Variants in ASAP2 observed in about 807,000 individuals in gnomAD.
The protein encoded by ASAP2 is arf-GAP with SH3 domain, ANK repeat and PH domain-containing protein 2.
Under a neutral mutation model 131.4 loss-of-function variants are expected in ASAP2, and 45 were observed. The ratio of observed to expected loss-of-function variants is 0.34; its 90% CI spans 0.27 to 0.44. The LOEUF (loss-of-function observed/expected upper bound fraction) is 0.44. ASAP2 is among the 20% of genes least tolerant of loss of function. The probability of loss-of-function intolerance (pLI) is 1.00; values close to 1 mark genes in which losing one functional copy is unlikely to be tolerated. For missense variants in ASAP2, 1,011 were observed against 1,297.0 expected (o/e 0.78, Z 3.39); for synonymous variants, 510 against 503.0 (o/e 1.01, Z -0.19).
intron 1 of ASAP2, among the ~76,000 whole-genome samples, chr2:9,254,223 AAAAAAAAAAAAAAAT>A (rs1664936451): frequency 9.5e-6 from 1 of 105,326 alleles, no homozygotes; most frequent in Non-Finnish European, 1.9e-5. Flanking sequence ...AAAAAAAAAA[AAAAAAAAAAAAAAAT>A]ATATATATAT....
At chr2:9,374,998 G>T (rs931573727) in intron 17 of ASAP2, 54 bp downstream of exon 17, 1 of 1,493,074 alleles carries the variant, frequency 6.7e-7, no homozygotes, top group Non-Finnish European at 8.9e-7. Context: ...CGGCCACGGT[G>T]GCTCATGCCT....
At chr2:9,210,336 A>G (rs1043716461) in intron 1 of ASAP2, among the ~76,000 whole-genome samples, 11 of 152,236 alleles carry the variant, frequency 7.2e-5, no homozygotes, top group Admixed American at 6.5e-4. Flanking sequence ...GGTTAATAAT[A>G]CCTATCAACT....
rs907592363 is a variant in ASAP2 at position 9,207,273 on chromosome 2, G to A, written c.126+43G>A. 2 of 1,466,486 alleles carry A rather than the reference G, an allele frequency of 1.4e-6. No individual in the cohort carries two copies. Among genetic ancestry groups the A allele is most frequent in the African/African-American group, 1.5e-5 (1 of 68,494 alleles). 90.8% of individuals were successfully genotyped at this position (1,466,486 alleles called of 1,614,324 possible). A position where few individuals can be genotyped will look rare whatever the true frequency, so the allele number is the denominator to read the frequency against. ...GCGGCTCCGGCCGCAGGTATCCCGC[G>A]CCCCAGCCCCGCCCGCCGCTCCCGC... On this transcript the variant is annotated intron_variant, in intron 1 of 27. Transcript: ENST00000281419. The surrounding 1 kb of genome is among the most constrained non-coding windows in gnomAD (Gnocchi z 4.1).
Position 9,344,615 on chromosome 2 carries a change from C to A in ASAP2, c.933C>A (p.Ser311Arg). 1 of 1,614,138 alleles carries A rather than the reference C, an allele frequency of 6.2e-7. No homozygotes were observed. The highest frequency in any genetic ancestry group is 8.5e-7 in the Non-Finnish European group (1 of 1,180,004). Residue 311 changes from serine to arginine, a missense_variant, in exon 10 of 28, where the codon AGC (serine) becomes AGA (arginine). By Grantham distance (110) the Ser-to-Arg change is moderately radical (BLOSUM62 -1). This residue lies in a region of ASAP2 where 359 missense variants were observed against 598.1 expected (regional missense o/e 0.60). Coordinates refer to ENST00000281419, the MANE Select transcript of ASAP2 (RefSeq NM_003887.3). ...AACATGGGACCGAGCGGAACGGCAG[C>A]CTCTACAAGAAGAGTGACGGGTACG... ...NKEHGTERNG[S>R]LYKKSDGIRK...
intron 15 of ASAP2, among the ~76,000 whole-genome samples, chr2:9,366,299 C>G (rs1046881260): frequency 1.3e-5 from 2 of 152,018 alleles, no homozygotes; most frequent in Non-Finnish European, 2.9e-5. Flanking sequence ...TCTTCGATTC[C>G]TGGGGAATTC....
At chr2:9,314,922 CAAAAAAAAAAA>C (rs34360769) in intron 3 of ASAP2, among the ~76,000 whole-genome samples, 1 of 102,334 alleles carries the variant, frequency 9.8e-6, no homozygotes, top group Non-Finnish European at 2.0e-5. Context: ...GACTCCATCT[CAAAAAAAAAAA>C]AAAAAAAAAA....
intron 1 of ASAP2, among the ~76,000 whole-genome samples, chr2:9,214,414 A>G (rs1400979876): frequency 6.6e-6 from 1 of 151,838 alleles, no homozygotes; most frequent in Non-Finnish European, 1.5e-5. Flanking sequence ...TGATTTTTGT[A>G]TTACTAGTAG....
chr2:9,253,846 C>T (rs925706135), intron 1 of ASAP2, among the ~76,000 whole-genome samples: 5 of 152,014 alleles, frequency 3.3e-5, no homozygotes, highest in Non-Finnish European at 7.4e-5. Flanking sequence ...GAAGTCATCC[C>T]AGGTCCGAAA....
intron 15 of ASAP2, among the ~76,000 whole-genome samples, chr2:9,366,902 G>A (rs1051651646): frequency 5.3e-5 from 8 of 152,126 alleles, no homozygotes; most frequent in African/African-American, 1.9e-4. Context: ...CCGCCAGGAA[G>A]TTCCAGTGTA....
chr2:9,379,134 G>T (rs1425398273), intron 19 of ASAP2, 75 bp downstream of exon 19: 10 of 1,115,070 alleles, frequency 9.0e-6, no homozygotes, highest in Non-Finnish European at 1.2e-6. Flanking sequence ...TCCAAGCGCT[G>T]CTCTTGGAAA....
chr2:9,278,719 A>C (rs1666920624), intron 1 of ASAP2, among the ~76,000 whole-genome samples: 1 of 152,146 alleles, frequency 6.6e-6, no homozygotes. Flanking sequence ...TATATATGAG[A>C]GTACCTCTAT....
intron 1 of ASAP2, among the ~76,000 whole-genome samples, chr2:9,211,947 C>T (rs555393874): frequency 4.6e-5 from 7 of 152,274 alleles, no homozygotes; most frequent in Admixed American, 1.3e-4. Flanking sequence ...AACAGGGCCA[C>T]CTTTTAAACT....
intron 6 of ASAP2, among the ~76,000 whole-genome samples, chr2:9,325,385 T>C (rs1670415116): frequency 1.3e-5 from 2 of 152,230 alleles, no homozygotes; most frequent in South Asian, 2.1e-4. Context: ...TGTAAGGGTA[T>C]TGTTTCTAAT....
intron 1 of ASAP2, among the ~76,000 whole-genome samples, chr2:9,259,654 C>T (rs546101663): frequency 6.6e-6 from 1 of 152,252 alleles, no homozygotes; most frequent in Non-Finnish European, 1.5e-5. Context: ...AGGCCCCCTG[C>T]CCCGAGGCTG....
chr2:9,362,995 T>C (rs1365890912), intron 15 of ASAP2, among the ~76,000 whole-genome samples: 1 of 152,226 alleles, frequency 6.6e-6, no homozygotes, highest in Non-Finnish European at 1.5e-5. Context: ...TTCTGCTCTC[T>C]ACTTCTATGA....
At chr2:9,285,882 C>T (rs528989575) in intron 2 of ASAP2, among the ~76,000 whole-genome samples, 24 of 152,304 alleles carry the variant, frequency 1.6e-4, no homozygotes, top group Non-Finnish European at 3.2e-4. Flanking sequence ...CTGATTTTCC[C>T]TCAAATCCTT....
intron 1 of ASAP2, among the ~76,000 whole-genome samples, chr2:9,261,946 A>AC (rs1302204916): frequency 1.3e-5 from 2 of 152,156 alleles, no homozygotes; most frequent in East Asian, 3.8e-4. Flanking sequence ...AGAGCGCCTC[A>AC]CCCCACCATT....
chr2:9,388,429 A>G lies in ASAP2; in HGVS notation c.2266A>G (p.Ser756Gly). The G allele has an allele frequency of 6.2e-7, 1 of 1,614,190 alleles. No individual in the cohort carries two copies. Among genetic ancestry groups the G allele is most frequent in the South Asian group, 1.1e-5 (1 of 91,082 alleles). Residue 756 changes from serine (S) to glycine (G), a missense_variant, in exon 22 of 28, where the codon AGC becomes GGC. Ser to Gly is a moderately conservative substitution (Grantham distance 56, BLOSUM62 0). This residue lies in a region of ASAP2 where 652 missense variants were observed against 698.9 expected (regional missense o/e 0.93). Transcript: ENST00000281419. ...AKEKQRAFMP[S>G]ILQNETYGAL... ...GGAGAAGCAGAGGGCTTTCATGCCC[A>G]GCATCTTGCAGAATGAGACTTACGG...
rs1661147380 is a variant in ASAP2, at chr2:9,206,964, T to C, written c.-141T>C. ...GCTCCGCCGCCAGGCCCCGCGCGGC[T>C]CCCGCGCCCGGCGCTCCCCTTTGTC... On this transcript the variant is annotated 5_prime_UTR_variant, in exon 1 of 28. Transcript: ENST00000281419. The surrounding 1 kb of genome is among the most constrained non-coding windows in gnomAD (Gnocchi z 4.0). 1.2e-6 allele frequency: 1 copy of C among 831,520 alleles called. No homozygotes were observed. The highest frequency in any genetic ancestry group is 1.4e-6 in the Non-Finnish European group (1 of 691,244). 51.5% of individuals were successfully genotyped at this position (831,520 alleles called of 1,614,324 possible).
Sources: gnomAD v4.1 joint callset for allele counts (sites outside exome capture counted in the v4.1 genomes callset) on GRCh38, gnomAD v4.1.1 for gene constraint, gnomAD v4.1.1 regional missense constraint, Gnocchi (gnomAD v3.1) non-coding constraint, MANE v1.5 for transcripts, NCBI Gene and HGNC (gene_info 2026-07-23, HGNC 2026-07-21) for gene names.